NCOA2: variants seen among roughly 807,000 people sequenced by gnomAD.
NCOA2 encodes the protein class E basic helix-loop-helix protein 75.
Under a neutral mutation model 145.1 loss-of-function variants are expected in NCOA2, and 21 were observed. That is an observed-to-expected ratio of 0.14 (90% CI 0.10 to 0.21). The LOEUF (loss-of-function observed/expected upper bound fraction) is 0.21. Ranked by LOEUF, NCOA2 falls within the 10% of genes least tolerant of loss-of-function variation. The pLI is 1.00. For synonymous variants in NCOA2, 619 were observed against 637.5 expected (o/e 0.97, Z 0.44); for missense variants, 1,472 against 1,837.6 (o/e 0.80, Z 3.64).
intron 1 of NCOA2, among the ~76,000 whole-genome samples, chr8:70,327,292 A>C (rs1228919037): frequency 6.6e-6 from 1 of 152,220 alleles, no homozygotes; most frequent in Non-Finnish European, 1.5e-5. Flanking sequence ...CCTGGTAACA[A>C]CATACTCAAC....
chr8:70,184,287 A>G (rs79791309), intron 4 of NCOA2, among the ~76,000 whole-genome samples: 3,069 of 152,230 alleles, frequency 0.02, 123 homozygotes, highest in African/African-American at 0.07. Context: ...GGAAGTTACA[A>G]CCTACTTTAC....
intron 4 of NCOA2, among the ~76,000 whole-genome samples, chr8:70,188,050 G>C (rs1294935027): frequency 6.6e-6 from 1 of 152,222 alleles, no homozygotes; most frequent in Non-Finnish European, 1.5e-5. Context: ...TTACAGGTGA[G>C]GCTGAAGATG....
chr8:70,363,179 C>A (rs910409319), intron 1 of NCOA2, among the ~76,000 whole-genome samples: 2 of 150,818 alleles, frequency 1.3e-5, no homozygotes, highest in Non-Finnish European at 2.9e-5. Flanking sequence ...GTCAGGAGAT[C>A]GAGACCATCC....
At chr8:70,240,910 T>C (rs1822068729) in intron 2 of NCOA2, among the ~76,000 whole-genome samples, 1 of 152,126 alleles carries the variant, frequency 6.6e-6, no homozygotes. Flanking sequence ...GAATCAATGC[T>C]ATTACATTAA....
intron 22 of NCOA2, among the ~76,000 whole-genome samples, chr8:70,119,725 A>G (rs1213725345): frequency 6.6e-6 from 1 of 152,144 alleles, no homozygotes; most frequent in Non-Finnish European, 1.5e-5. Context: ...TGTGTTTTTA[A>G]TAATAGCCAT....
intron 1 of NCOA2, among the ~76,000 whole-genome samples, chr8:70,388,909 T>C (rs914062784): frequency 3.3e-5 from 5 of 152,294 alleles, no homozygotes; most frequent in South Asian, 4.1e-4. Context: ...AAAGATCTCA[T>C]AGATCTCAGT....
At chr8:70,328,334 C>A (rs1806777631) in intron 1 of NCOA2, among the ~76,000 whole-genome samples, 1 of 152,144 alleles carries the variant, frequency 6.6e-6, no homozygotes, top group Admixed American at 6.5e-5. Context: ...AAAGGTCTTT[C>A]CTCAGTTCTT....
At chr8:70,402,315 C>G (rs1365452668) in intron 1 of NCOA2, 1 of 152,364 alleles carries the variant, frequency 6.6e-6, no homozygotes, top group Non-Finnish European at 1.5e-5. Flanking sequence ...GGTGTTCAGG[C>G]TCGGTCTCTG....
intron 4 of NCOA2, among the ~76,000 whole-genome samples, chr8:70,182,759 T>C (rs1815634008): frequency 6.6e-6 from 1 of 152,186 alleles, no homozygotes; most frequent in Non-Finnish European, 1.5e-5. Flanking sequence ...TTGTCCAAAA[T>C]CTTCCTTTTA....
At chr8:70,213,849 A>G in intron 4 of NCOA2, 54 bp downstream of exon 4, 1 of 1,438,648 alleles carries the variant, frequency 7.0e-7, no homozygotes, top group African/African-American at 1.4e-5. Flanking sequence ...CTTCTCACAC[A>G]GGGAAAAACA....
At chr8:70,329,236 C>T (rs1310023384) in intron 1 of NCOA2, among the ~76,000 whole-genome samples, 1 of 152,090 alleles carries the variant, frequency 6.6e-6, no homozygotes, top group Non-Finnish European at 1.5e-5. Context: ...CCCACCTCAG[C>T]CTCCTAAGTA....
At chr8:70,375,363 A>G (rs1289725232) in intron 1 of NCOA2, among the ~76,000 whole-genome samples, 1 of 152,204 alleles carries the variant, frequency 6.6e-6, no homozygotes, top group East Asian at 1.9e-4. Context: ...AAGATGAAGA[A>G]AAGCCTTTGC....
intron 16 of NCOA2, 120 bp downstream of exon 16, chr8:70,131,717 T>C: frequency 9.3e-7 from 1 of 1,079,420 alleles, no homozygotes; most frequent in Non-Finnish European, 1.3e-6. Context: ...TGTTTTGAGG[T>C]AAAAAAAACA....
At chr8:70,354,562 G>T (rs1192476209) in intron 1 of NCOA2, among the ~76,000 whole-genome samples, 5 of 152,126 alleles carry the variant, frequency 3.3e-5, no homozygotes, top group Admixed American at 6.5e-5. Context: ...ACAAAAATTT[G>T]AAACATAGGC....
rs1324133134 is a variant in NCOA2 at position 70,195,002 on chromosome 8, GA to G, written c.259+18900del. ...CACTTATTAGCTGTGTGACTCTAGA[GA>G]AGTCTGGAGTCTAGACCCAAACCTA... On this transcript the variant is annotated intron_variant, in intron 4 of 22. Coordinates refer to ENST00000452400, the MANE Select transcript of NCOA2 (RefSeq NM_006540.4). 3.3e-5 allele frequency among the ~76,000 whole-genome samples: 5 copies of G among 152,260 alleles called. No homozygotes were observed. The East Asian group carries it at 9.7e-4, about 29-fold the overall frequency.
intron 2 of NCOA2, among the ~76,000 whole-genome samples, chr8:70,296,492 G>A (rs185339855): frequency 6.6e-6 from 1 of 152,170 alleles, no homozygotes; most frequent in Admixed American, 6.5e-5. Flanking sequence ...CATCCAATGG[G>A]TATAATGTAA....
intron 1 of NCOA2, among the ~76,000 whole-genome samples, chr8:70,399,798 A>G (rs1001290306): frequency 6.6e-6 from 1 of 152,238 alleles, no homozygotes; most frequent in Admixed American, 6.5e-5. Context: ...TTCCTTTACT[A>G]TCCAATATCC....
chr8:70,308,961 C>G (rs1828097809), intron 1 of NCOA2, among the ~76,000 whole-genome samples: 1 of 152,142 alleles, frequency 6.6e-6, no homozygotes, highest in Admixed American at 6.5e-5. Flanking sequence ...TAATGACTGG[C>G]TTGACCAAGA....
intron 1 of NCOA2, among the ~76,000 whole-genome samples, chr8:70,387,080 T>A (rs1439279245): frequency 6.6e-6 from 1 of 152,050 alleles, no homozygotes; most frequent in Non-Finnish European, 1.5e-5. Flanking sequence ...AGAGATGGGG[T>A]CTCGCTTTAA....
Sources: gnomAD v4.1 joint callset for allele counts (sites outside exome capture counted in the v4.1 genomes callset) on GRCh38, gnomAD v4.1.1 for gene constraint, MANE v1.5 for transcripts, NCBI Gene and HGNC (gene_info 2026-07-23, HGNC 2026-07-21) for gene names.